Variants in MRTFA observed in about 807,000 individuals in gnomAD.
MRTFA encodes the protein myocardin related transcription factor A, also known as myocardin-related transcription factor A.
MRTFA carries 20 observed loss-of-function variants against 83.5 expected under a neutral mutation model. The observed-to-expected ratio is 0.24, with a 90% CI of 0.17 to 0.35. The LOEUF is 0.35. Among genes scored for constraint, MRTFA ranks in the 10% least tolerant of loss-of-function variants. The pLI, the probability that MRTFA is intolerant of heterozygous loss-of-function variation, is 1.00. For missense variants in MRTFA, 1,200 were observed against 1,224.7 expected (o/e 0.98, Z 0.30); for synonymous variants, 659 against 541.2 (o/e 1.22, Z -3.02).
intron 2 of MRTFA, among the ~76,000 whole-genome samples, chr22:40,572,690 C>A (rs1399016197): frequency 1.3e-5 from 2 of 152,052 alleles, no homozygotes; most frequent in Non-Finnish European, 2.9e-5. Flanking sequence ...GCTAGGGAAA[C>A]CTCACAATCA....
chr22:40,623,864 C>T (rs1462058026), intron 1 of MRTFA, among the ~76,000 whole-genome samples: 1 of 152,136 alleles, frequency 6.6e-6, no homozygotes, highest in Non-Finnish European at 1.5e-5. Context: ...TCTGTAATCC[C>T]ACCACTTTTG....
At chr22:40,484,208 TGTAAAATTTTA>T (rs1296312227) in intron 3 of MRTFA, among the ~76,000 whole-genome samples, 1 of 151,826 alleles carries the variant, frequency 6.6e-6, no homozygotes, top group Non-Finnish European at 1.5e-5. Context: ...TCCTAAATGA[TGTAAAATTTTA>T]GCTATTTGAC....
chr22:40,502,687 G>A (rs943721337), intron 3 of MRTFA, among the ~76,000 whole-genome samples: 20 of 151,180 alleles, frequency 1.3e-4, no homozygotes, highest in African/African-American at 4.1e-4. Context: ...GGCACTTTGG[G>A]AGGCCAAGGC....
rs569630869 is a variant in MRTFA at position 40,592,667 on chromosome 22, G to GT, written c.-22+2006dup. Among the ~76,000 whole-genome samples, 5 of 151,786 alleles carry GT rather than the reference G, an allele frequency of 3.3e-5. No homozygotes were observed. The South Asian group carries it at 1.0e-3, about 32-fold the overall frequency. On this transcript the variant is annotated intron_variant, in intron 2 of 14. Coordinates refer to ENST00000355630, the MANE Select transcript of MRTFA (RefSeq NM_020831.6). ...CCATGCCTGGCTAATTTTTTTTGGT[G>GT]TTTTTTGTAGAGACAGGATTTCACC...
intron 3 of MRTFA, among the ~76,000 whole-genome samples, chr22:40,468,440 C>T (rs904549911): frequency 6.6e-6 from 1 of 152,030 alleles, no homozygotes; most frequent in Non-Finnish European, 1.5e-5. Flanking sequence ...ATGGGAAGAA[C>T]AGGACAGTAA....
chr22:40,417,154 C>G, intron 13 of MRTFA, 108 bp from the exon 14 acceptor site: 1 of 1,406,956 alleles, frequency 7.1e-7, no homozygotes. Context: ...GCAGCCAGAT[C>G]CACAGGACCC....
chr22:40,506,730 C>A (rs1364080835), intron 3 of MRTFA, among the ~76,000 whole-genome samples: 6 of 152,166 alleles, frequency 3.9e-5, no homozygotes, highest in African/African-American at 7.2e-5. Flanking sequence ...TACTGTTTTT[C>A]TATATACCAT....
At chr22:40,497,514 G>A (rs565413523) in intron 3 of MRTFA, among the ~76,000 whole-genome samples, 3 of 152,218 alleles carry the variant, frequency 2.0e-5, no homozygotes, top group South Asian at 4.1e-4. Flanking sequence ...CAGCACTTTG[G>A]GAGGCCAAAA....
At chr22:40,507,620 GA>G (rs1008491991) in intron 3 of MRTFA, among the ~76,000 whole-genome samples, 43 of 144,846 alleles carry the variant, frequency 3.0e-4, no homozygotes, top group East Asian at 8.1e-4. Flanking sequence ...CTCTCTGAAA[GA>G]AAAAAAAAAA....
At chr22:40,464,059 T>C (rs1433401902) in intron 3 of MRTFA, among the ~76,000 whole-genome samples, 1 of 151,958 alleles carries the variant, frequency 6.6e-6, no homozygotes, top group African/African-American at 2.4e-5. Context: ...TCCCAGCACT[T>C]TGGAAGACCG....
chr22:40,429,289 C>T (rs2053019390), intron 7 of MRTFA: 1 of 603,120 alleles, frequency 1.7e-6, no homozygotes. Flanking sequence ...CATGTTCACA[C>T]ACACTGATCC....
At chr22:40,536,225 C>A (rs1204117058) in intron 3 of MRTFA, among the ~76,000 whole-genome samples, 1 of 151,780 alleles carries the variant, frequency 6.6e-6, no homozygotes, top group African/African-American at 2.4e-5. Flanking sequence ...ATCACTTGGG[C>A]CCAGGAGTTC....
intron 3 of MRTFA, among the ~76,000 whole-genome samples, chr22:40,464,034 C>T (rs1475452453): frequency 6.6e-6 from 1 of 152,028 alleles, no homozygotes; most frequent in African/African-American, 2.4e-5. Context: ...CACAGTGGCT[C>T]ATGCCTACAT....
intron 14 of MRTFA, among the ~76,000 whole-genome samples, chr22:40,413,792 C>A (rs2052616360): frequency 6.6e-6 from 1 of 152,156 alleles, no homozygotes; most frequent in Non-Finnish European, 1.5e-5. Context: ...AAGGACTTGG[C>A]CATTCTCCAA....
At chr22:40,470,343 A>C (rs1381009470) in intron 3 of MRTFA, among the ~76,000 whole-genome samples, 1 of 144,376 alleles carries the variant, frequency 6.9e-6, no homozygotes, top group Admixed American at 7.0e-5. Context: ...GAAATTAAAG[A>C]GCACACCCTT....
At chr22:40,613,460 C>A (rs1220595098) in intron 1 of MRTFA, among the ~76,000 whole-genome samples, 1 of 152,186 alleles carries the variant, frequency 6.6e-6, no homozygotes, top group Non-Finnish European at 1.5e-5. Context: ...AAGCAACAGG[C>A]CTGAACTACT....
intron 2 of MRTFA, among the ~76,000 whole-genome samples, chr22:40,564,888 C>T (rs144620448): frequency 6.6e-6 from 1 of 152,114 alleles, no homozygotes; most frequent in African/African-American, 2.4e-5. Flanking sequence ...CGAGCTCAGG[C>T]AATCCGCCCA....
rs145568641 is a variant in MRTFA, at chr22:40,563,452, A to G, written c.-21-11085T>C. Among the ~76,000 whole-genome samples, 442 of 151,746 alleles carry G rather than the reference A, an allele frequency of 2.9e-3. 4 individuals are homozygous for G. The highest frequency in any genetic ancestry group is 0.01 in the African/African-American group (423 of 41,348). ...ATAAATATTTGTTAATTTACTACGTATATTAACCTTACAGCAAACACATCA... is the reference window on the plus strand; with the variant it reads ...ATAAATATTTGTTAATTTACTACGTGTATTAACCTTACAGCAAACACATCA... On this transcript the variant is annotated intron_variant, in intron 2 of 14. Transcript: ENST00000355630.
intron 3 of MRTFA, among the ~76,000 whole-genome samples, chr22:40,516,772 G>C (rs543263739): frequency 6.6e-6 from 1 of 152,196 alleles, no homozygotes; most frequent in Admixed American, 6.5e-5. Flanking sequence ...CTTGTGAACA[G>C]GTACAACAGT....
Sources: allele counts gnomAD v4.1 joint callset (sites outside exome capture counted in the v4.1 genomes callset), GRCh38; gene constraint gnomAD v4.1.1; transcripts MANE v1.5; gene names NCBI Gene and HGNC (gene_info 2026-07-23, HGNC 2026-07-21).